The following CRPPA variants were observed in gnomAD, a reference collection of about 807,000 sequenced individuals.
CRPPA encodes CDP-L-ribitol pyrophosphorylase A, also known as D-ribitol-5-phosphate cytidylyltransferase.
In CRPPA, 43 loss-of-function variants were observed where a neutral mutation model predicts 52.0. The ratio of observed to expected loss-of-function variants is 0.83; its 90% CI spans 0.65 to 1.07. The LOEUF is 1.07. Among genes scored for constraint, CRPPA ranks in the 50% least tolerant of loss-of-function variants. The pLI is 0.00. For synonymous variants in CRPPA, 250 were observed against 203.5 expected (o/e 1.23, Z -1.94); for missense variants, 629 against 551.7 (o/e 1.14, Z -1.40).
chr7:16,202,628 T>C (rs1015596776), intron 9 of CRPPA, among the ~76,000 whole-genome samples: 4 of 152,132 alleles, frequency 2.6e-5, no homozygotes, highest in Admixed American at 1.3e-4. Context: ...TAAATTGTTA[T>C]AGAGAAAAAG....
At chr7:16,297,033 C>A (rs922250062) in intron 5 of CRPPA, among the ~76,000 whole-genome samples, 2 of 152,174 alleles carry the variant, frequency 1.3e-5, no homozygotes, top group African/African-American at 4.8e-5. Flanking sequence ...GCTCTTGAAT[C>A]CAGCATCTGC....
rs1290529071 is a variant in CRPPA at position 16,133,132 on chromosome 7, T to C, written c.1252-41333A>G. 1.6e-5 allele frequency among the ~76,000 whole-genome samples: 2 copies of C among 122,088 alleles called. 1 individual carries two copies. Among genetic ancestry groups the C allele is most frequent in the African/African-American group, 5.3e-5 (2 of 37,764 alleles). The allele number at this position is 122,088 out of a possible 152,430, so 80.1% of individuals were successfully genotyped here. A position where few individuals can be genotyped will look rare whatever the true frequency, so the allele number is the denominator to read the frequency against. On this transcript the variant is annotated intron_variant, in intron 9 of 9. Coordinates refer to ENST00000407010, the MANE Select transcript of CRPPA (RefSeq NM_001101426.4). The stretch of plus-strand genomic sequence containing the variant: ...GAGTTCAAGACTAGCCTGGACAACA[T>C]GGTGAAATCCCATCTCTACTAAAAA...
chr7:16,383,325 A>AT (rs1232358571), intron 2 of CRPPA, among the ~76,000 whole-genome samples: 2 of 152,198 alleles, frequency 1.3e-5, no homozygotes, highest in Non-Finnish European at 2.9e-5. Context: ...TGAACCGCGA[A>AT]TGCTGCTGTC....
At chr7:16,383,987 G>C (rs1000256559) in intron 2 of CRPPA, among the ~76,000 whole-genome samples, 2 of 152,156 alleles carry the variant, frequency 1.3e-5, no homozygotes, top group Non-Finnish European at 2.9e-5. Context: ...GCTCGCGCAC[G>C]GTGCGCTGCA....
At chr7:16,362,760 C>T (rs1786490092) in intron 3 of CRPPA, among the ~76,000 whole-genome samples, 1 of 152,160 alleles carries the variant, frequency 6.6e-6, no homozygotes, top group Non-Finnish European at 1.5e-5. Flanking sequence ...TTAGAATATA[C>T]TTACTAAAAT....
At chr7:16,251,503 AG>A (rs1368446741) in intron 8 of CRPPA, among the ~76,000 whole-genome samples, 14 of 152,362 alleles carry the variant, frequency 9.2e-5, no homozygotes, top group African/African-American at 3.4e-4. Flanking sequence ...CAAATGTAAA[AG>A]AATGGAGATC....
chr7:16,349,712 G>A (rs934317186), intron 3 of CRPPA, among the ~76,000 whole-genome samples: 1 of 151,732 alleles, frequency 6.6e-6, no homozygotes, highest in Admixed American at 6.6e-5. Context: ...CACAACCTAA[G>A]GAGCAAAAGG....
At chr7:16,338,381 C>G (rs1269317943) in intron 3 of CRPPA, among the ~76,000 whole-genome samples, 1 of 152,104 alleles carries the variant, frequency 6.6e-6, no homozygotes. Flanking sequence ...GGGAATATAT[C>G]TCAACACAAT....
chr7:16,120,170 ACTGTAATCAGGCTC>A (rs1329421403), intron 9 of CRPPA, among the ~76,000 whole-genome samples: 1 of 152,210 alleles, frequency 6.6e-6, no homozygotes, highest in Non-Finnish European at 1.5e-5. Flanking sequence ...CCTTGATCAA[ACTGTAATCAGGCTC>A]CTTTAAGCCC....
At chr7:16,131,448 A>G (rs1562519424) in intron 9 of CRPPA, among the ~76,000 whole-genome samples, 1 of 152,234 alleles carries the variant, frequency 6.6e-6, no homozygotes, top group African/African-American at 2.4e-5. Flanking sequence ...GATTCTTGTT[A>G]TAAAGTGGCT....
chr7:16,366,987 A>C (rs978655883), intron 3 of CRPPA, among the ~76,000 whole-genome samples: 2 of 152,140 alleles, frequency 1.3e-5, no homozygotes, highest in African/African-American at 4.8e-5. Context: ...TGACTTGTGT[A>C]AGAAACAATG....
intron 3 of CRPPA, among the ~76,000 whole-genome samples, chr7:16,367,875 T>G (rs902972831): frequency 4.6e-5 from 7 of 152,192 alleles, no homozygotes; most frequent in African/African-American, 1.7e-4. Flanking sequence ...ACTTAAATAT[T>G]ACATGTCTCC....
intron 2 of CRPPA, among the ~76,000 whole-genome samples, chr7:16,397,543 T>C (rs929721246): frequency 1.8e-4 from 28 of 152,172 alleles, no homozygotes; most frequent in African/African-American, 6.8e-4. Flanking sequence ...CAACATGTGA[T>C]TGACGAAATG....
At chr7:16,362,484 A>G (rs1353945306) in intron 3 of CRPPA, among the ~76,000 whole-genome samples, 1 of 152,036 alleles carries the variant, frequency 6.6e-6, no homozygotes, top group East Asian at 2.0e-4. Context: ...AAAGAGTCCT[A>G]CTCCTAATGT....
intron 1 of CRPPA, among the ~76,000 whole-genome samples, chr7:16,415,667 T>C (rs192549151): frequency 3.9e-5 from 6 of 152,342 alleles, no homozygotes; most frequent in African/African-American, 1.2e-4. Context: ...GCTTATGTTT[T>C]AGCTTTCCTG....
intron 9 of CRPPA, among the ~76,000 whole-genome samples, chr7:16,151,228 C>T (rs1189224994): frequency 6.6e-6 from 1 of 151,988 alleles, no homozygotes; most frequent in Admixed American, 6.6e-5. Flanking sequence ...TAGTGTGTTG[C>T]CTCTTCTAAA....
At chr7:16,116,902 G>A (rs923007711) in intron 9 of CRPPA, among the ~76,000 whole-genome samples, 9 of 152,098 alleles carry the variant, frequency 5.9e-5, no homozygotes, top group Non-Finnish European at 7.4e-5. Context: ...CAGGGACTCC[G>A]CCCAGGTACC....
intron 9 of CRPPA, among the ~76,000 whole-genome samples, chr7:16,150,588 A>G (rs1244250053): frequency 6.6e-6 from 1 of 152,196 alleles, no homozygotes; most frequent in Non-Finnish European, 1.5e-5. Flanking sequence ...GAATTAAAAA[A>G]CACTACCACG....
At chr7:16,175,366 C>T (rs1335635264) in intron 9 of CRPPA, among the ~76,000 whole-genome samples, 1 of 152,038 alleles carries the variant, frequency 6.6e-6, no homozygotes, top group African/African-American at 2.4e-5. Flanking sequence ...AAAGTGATTC[C>T]ACTTTTAACT....
Sources: allele counts gnomAD v4.1 joint callset (sites outside exome capture counted in the v4.1 genomes callset), GRCh38; gene constraint gnomAD v4.1.1; transcripts MANE v1.5; gene names NCBI Gene and HGNC (gene_info 2026-07-23, HGNC 2026-07-21).